Variants in MTREX observed in about 807,000 individuals in gnomAD.
MTREX encodes exosome RNA helicase MTR4.
MTREX carries 76 observed loss-of-function variants against 135.4 expected under a neutral mutation model. That is an observed-to-expected ratio of 0.56 (90% CI 0.47 to 0.68). The LOEUF is 0.68. MTREX is among the 30% of genes least tolerant of loss of function. The pLI, the probability that MTREX is intolerant of heterozygous loss-of-function variation, is 0.00. For missense variants in MTREX, 920 were observed against 1,262.1 expected, an observed-to-expected ratio of 0.73 and a Z score of 4.11; for synonymous variants, 404 against 401.6, an observed-to-expected ratio of 1.01 and a Z score of -0.07.
intron 21 of MTREX, among the ~76,000 whole-genome samples, chr5:55,402,163 G>A (rs1750731229): frequency 6.6e-6 from 1 of 152,200 alleles, no homozygotes. Flanking sequence ...ATATGGTGCT[G>A]TAGCATATAC....
intron 1 of MTREX, 110 bp downstream of exon 1, chr5:55,308,257 T>A (rs1284424151): frequency 1.5e-6 from 2 of 1,332,644 alleles, no homozygotes; most frequent in African/African-American, 3.0e-5. Context: ...TTGAGTGGCG[T>A]TGGAAGTGAA....
chr5:55,397,419 G>T lies in MTREX; in HGVS notation c.2185G>T (p.Val729Phe). ...KPDEKGEMQV[V>F]PVLVHLLSAI... ...CTGTATAACTTTTTGGTCATAGGTT[G>T]TCCCAGTTTTGGTGCATCTCCTGTC... The change falls in exon 20 of 27, where the codon GTC (valine) becomes TTC (phenylalanine). Residue 729 changes from valine to phenylalanine, a missense_variant. Val to Phe is a conservative substitution (Grantham distance 50, BLOSUM62 -1). Coordinates refer to ENST00000230640, the MANE Select transcript of MTREX (RefSeq NM_015360.5). The T allele has an allele frequency of 1.9e-6, 3 of 1,605,748 alleles. No homozygotes were observed. The highest frequency in any genetic ancestry group is 2.6e-6 in the Non-Finnish European group (3 of 1,174,528).
intron 5 of MTREX, among the ~76,000 whole-genome samples, chr5:55,330,185 T>G (rs1285633548): frequency 6.6e-6 from 1 of 151,918 alleles, no homozygotes. Flanking sequence ...GCTCAAGCAG[T>G]CCAACTCAGC....
chr5:55,320,104 G>A (rs1749263346), intron 1 of MTREX, among the ~76,000 whole-genome samples: 4 of 152,124 alleles, frequency 2.6e-5, no homozygotes, highest in Admixed American at 1.3e-4. Context: ...TCGCAAAATT[G>A]GGAGTGACAG....
At chr5:55,353,583 G>C (rs1047368391) in intron 14 of MTREX, among the ~76,000 whole-genome samples, 5 of 152,160 alleles carry the variant, frequency 3.3e-5, no homozygotes, top group African/African-American at 1.2e-4. Flanking sequence ...TGCACCTGTA[G>C]TCGCAGCTAC....
chr5:55,354,189 G>A, intron 14 of MTREX, among the ~76,000 whole-genome samples: 1 of 152,170 alleles, frequency 6.6e-6, no homozygotes, highest in South Asian at 2.1e-4. Flanking sequence ...CGTTTCTCTT[G>A]ACAGATATAC....
intron 16 of MTREX, among the ~76,000 whole-genome samples, chr5:55,376,187 A>G (rs1750298072): frequency 6.6e-6 from 1 of 152,198 alleles, no homozygotes; most frequent in South Asian, 2.1e-4. Context: ...TGTTGCTTTA[A>G]TTTAGTTATG....
At chr5:55,330,890 T>G (rs910109967) in intron 5 of MTREX, among the ~76,000 whole-genome samples, 10 of 152,148 alleles carry the variant, frequency 6.6e-5, no homozygotes, top group African/African-American at 2.4e-4. Flanking sequence ...TTTTGGTGTT[T>G]ATTCTGTTTC....
chr5:55,354,078 C>G (rs996844952), intron 14 of MTREX, among the ~76,000 whole-genome samples: 2 of 152,172 alleles, frequency 1.3e-5, no homozygotes, highest in African/African-American at 4.8e-5. Context: ...AAGGCAAGTA[C>G]TCCATTTAGT....
intron 5 of MTREX, chr5:55,329,358 G>A (rs62359233): frequency 6.6e-6 from 1 of 151,314 alleles, no homozygotes; most frequent in African/African-American, 2.4e-5. Flanking sequence ...TTTTTTAGAG[G>A]CAACACAGAG....
intron 22 of MTREX, among the ~76,000 whole-genome samples, chr5:55,406,357 G>T (rs12522703): frequency 6.6e-6 from 1 of 151,968 alleles, no homozygotes; most frequent in African/African-American, 2.4e-5. Context: ...CTCTCTCTCT[G>T]TTAGAGCTTC....
At chr5:55,423,951 G>A (rs1751100848) in intron 26 of MTREX, 1 of 151,984 alleles carries the variant, frequency 6.6e-6, no homozygotes. Flanking sequence ...TTAAGTGTAG[G>A]TGTCAAAGTT....
chr5:55,403,586 A>C (rs1299397052), intron 21 of MTREX, among the ~76,000 whole-genome samples: 4 of 152,218 alleles, frequency 2.6e-5, no homozygotes, highest in Non-Finnish European at 5.9e-5. Context: ...TATAAGCCTC[A>C]CAGTTATTAG....
In MTREX at chr5:55,308,052, C is replaced by A; in HGVS notation, c.39C>A (p.Phe13Leu). The A allele has an allele frequency of 1.2e-6, 2 of 1,613,912 alleles. No homozygotes were observed. Among genetic ancestry groups the A allele is most frequent in the South Asian group, 2.2e-5 (2 of 91,070 alleles). The change falls in exon 1 of 27, where the codon TTC becomes TTA. Residue 13 changes from phenylalanine (F) to leucine (L), a missense_variant. Around this residue, in one of 6 missense-constraint regions of MTREX, gnomAD observed 136 missense variants for 126.7 expected, o/e 1.07. Transcript: ENST00000230640. ...TCGGAGATGAGCTGTTCAGCGTGTT[C>A]GAGGGCGACTCGACCACTGCGGCGG... is the stretch of plus-strand genomic sequence containing the variant. The part of the protein sequence containing the change: ...DAFGDELFSV[F>L]EGDSTTAAGT...
chr5:55,403,005 C>T (rs978933617), intron 21 of MTREX, among the ~76,000 whole-genome samples: 4 of 151,512 alleles, frequency 2.6e-5, no homozygotes, highest in Admixed American at 2.6e-4. Context: ...TGAGACCACC[C>T]TGGACAAGAT....
At chr5:55,325,032 A>G (rs1034152128) in intron 3 of MTREX, among the ~76,000 whole-genome samples, 2 of 152,184 alleles carry the variant, frequency 1.3e-5, no homozygotes, top group Non-Finnish European at 2.9e-5. Flanking sequence ...GATAGCTTGT[A>G]TCCATTTAGA....
At chr5:55,362,083 ATTT>A (rs35074192) in intron 15 of MTREX, among the ~76,000 whole-genome samples, 1 of 111,164 alleles carries the variant, frequency 9.0e-6, no homozygotes, top group Non-Finnish European at 1.8e-5. Context: ...CGTCTGGCTA[ATTT>A]TTTTTTTTTT....
At chr5:55,366,468 T>C (rs1036339288) in intron 15 of MTREX, among the ~76,000 whole-genome samples, 2 of 152,156 alleles carry the variant, frequency 1.3e-5, no homozygotes, top group Non-Finnish European at 2.9e-5. Context: ...CAAAGAGCAA[T>C]CCTGTCATAT....
intron 2 of MTREX, among the ~76,000 whole-genome samples, chr5:55,322,666 T>C (rs1749308105): frequency 6.6e-6 from 1 of 152,218 alleles, no homozygotes; most frequent in South Asian, 2.1e-4. Flanking sequence ...AAAATACTCA[T>C]CTTTTAATAC....
Sources: allele counts gnomAD v4.1 joint callset (sites outside exome capture counted in the v4.1 genomes callset), GRCh38; gene constraint gnomAD v4.1.1; regional missense constraint gnomAD v4.1.1; transcripts MANE v1.5; gene names NCBI Gene and HGNC (gene_info 2026-07-23, HGNC 2026-07-21).